Variants in ENOX1 observed in about 807,000 individuals in gnomAD.
ENOX1 encodes the protein candidate growth-related and time keeping constitutive hydroquinone (NADH) oxidase.
A neutral mutation model predicts 82.5 loss-of-function variants in ENOX1; 42 were observed. The observed-to-expected ratio is 0.51, with a 90% CI of 0.40 to 0.66. The LOEUF (loss-of-function observed/expected upper bound fraction) is 0.66. ENOX1 is among the 30% of genes least tolerant of loss of function. ENOX1 has a pLI of 0.00. For missense variants in ENOX1, 608 were observed against 811.6 expected (o/e 0.75, Z 3.05); for synonymous variants, 271 against 282.2 (o/e 0.96, Z 0.40).
At chr13:43,679,290 G>C (rs1420170225) in intron 1 of ENOX1, among the ~76,000 whole-genome samples, 1 of 152,024 alleles carries the variant, frequency 6.6e-6, no homozygotes, top group Non-Finnish European at 1.5e-5. Flanking sequence ...TTCTTCCTGT[G>C]GTCAGCAGCA....
At chr13:43,423,056 A>T (rs1270615038) in intron 3 of ENOX1, among the ~76,000 whole-genome samples, 2 of 152,132 alleles carry the variant, frequency 1.3e-5, no homozygotes, top group Non-Finnish European at 2.9e-5. Context: ...TGGGGAAGGG[A>T]GGCTACTGTA....
At chr13:43,316,631 A>T (rs1593888771) in intron 11 of ENOX1, among the ~76,000 whole-genome samples, 1 of 2,032 alleles carries the variant, frequency 4.9e-4, no homozygotes, top group Admixed American at 0.056. Flanking sequence ...GCAATTTACA[A>T]AAAAAAAAAA....
chr13:43,712,846 T>C (rs299340), intron 1 of ENOX1, among the ~76,000 whole-genome samples: 149,949 of 150,568 alleles, frequency 1, 74,668 homozygotes, highest in East Asian at 1. Flanking sequence ...TAAACAATCA[T>C]GTCATCTGCA....
At chr13:43,411,395 A>G (rs1594413644) in intron 5 of ENOX1, among the ~76,000 whole-genome samples, 1 of 152,266 alleles carries the variant, frequency 6.6e-6, no homozygotes, top group East Asian at 1.9e-4. Context: ...CATGCATTGT[A>G]TTAGGATTTC....
chr13:43,606,564 G>A (rs1450238289), intron 2 of ENOX1, among the ~76,000 whole-genome samples: 2 of 152,136 alleles, frequency 1.3e-5, no homozygotes, highest in East Asian at 1.9e-4. Context: ...AACTTCTCAT[G>A]TTCTTACTTA....
chr13:43,311,667 A>C (rs2047209559), intron 11 of ENOX1, among the ~76,000 whole-genome samples: 1 of 152,208 alleles, frequency 6.6e-6, no homozygotes, highest in Non-Finnish European at 1.5e-5. Context: ...TTTTCAGAGG[A>C]GAGAAGCAAC....
Position 43,697,786 on chromosome 13 carries a change from C to T in ENOX1, c.-284-30242G>A, listed in dbSNP as rs530125620. ...TCTGAATACGAGTAACCAGAAGTAA[C>T]TCTACCTCCCCTCTGTCAACACCTG... On this transcript the variant is annotated intron_variant, in intron 1 of 16. Transcript: ENST00000690772. Among the ~76,000 whole-genome samples, 10 of 152,310 alleles carry T rather than the reference C, an allele frequency of 6.6e-5. No homozygotes were observed. In the South Asian group the frequency reaches 2.1e-3, roughly 32 times the overall value.
intron 2 of ENOX1, among the ~76,000 whole-genome samples, chr13:43,616,482 A>C (rs1204286750): frequency 5.9e-5 from 9 of 151,436 alleles, no homozygotes; most frequent in Non-Finnish European, 1.3e-4. Flanking sequence ...GGTTACAGAC[A>C]CGAGCCACCA....
chr13:43,623,218 C>A (rs1281541983), intron 2 of ENOX1, among the ~76,000 whole-genome samples: 2 of 152,102 alleles, frequency 1.3e-5, no homozygotes, highest in Non-Finnish European at 2.9e-5. Context: ...TGGTTTTTTG[C>A]CTGCCTGTGG....
intron 1 of ENOX1, among the ~76,000 whole-genome samples, chr13:43,783,877 T>C (rs1037446851): frequency 1.3e-5 from 2 of 152,182 alleles, no homozygotes; most frequent in Non-Finnish European, 2.9e-5. Context: ...AGCTTCACCT[T>C]ACTCAAATGA....
At chr13:43,774,539 G>A (rs912961284) in intron 1 of ENOX1, among the ~76,000 whole-genome samples, 1 of 152,190 alleles carries the variant, frequency 6.6e-6, no homozygotes, top group Non-Finnish European at 1.5e-5. Flanking sequence ...TGAGGCTGAA[G>A]TGTGTCTTAA....
chr13:43,706,564 T>C (rs764249144), intron 1 of ENOX1, among the ~76,000 whole-genome samples: 1 of 152,014 alleles, frequency 6.6e-6, no homozygotes, highest in Non-Finnish European at 1.5e-5. Flanking sequence ...CATATGGTAT[T>C]TTTCCCAAAA....
chr13:43,459,981 G>A (rs573292626), intron 3 of ENOX1, among the ~76,000 whole-genome samples: 9 of 152,046 alleles, frequency 5.9e-5, no homozygotes, highest in East Asian at 3.9e-4. Flanking sequence ...GTGACAAAGC[G>A]AGACTCTGTC....
At chr13:43,373,587 C>T (rs901971708) in intron 5 of ENOX1, among the ~76,000 whole-genome samples, 2 of 152,196 alleles carry the variant, frequency 1.3e-5, no homozygotes, top group African/African-American at 4.8e-5. Context: ...CACACATACA[C>T]ATACACACAC....
intron 2 of ENOX1, among the ~76,000 whole-genome samples, chr13:43,508,015 AT>A (rs1210137144): frequency 3.3e-5 from 5 of 152,118 alleles, no homozygotes; most frequent in African/African-American, 1.2e-4. Context: ...AACCTTAATA[AT>A]TTAAAATTAA....
At chr13:43,338,209 T>C (rs1043229814) in intron 9 of ENOX1, among the ~76,000 whole-genome samples, 1 of 152,236 alleles carries the variant, frequency 6.6e-6, no homozygotes, top group Admixed American at 6.5e-5. Context: ...TGGTAGTCCA[T>C]GCTTCCTGAA....
chr13:43,499,220 A>G (rs2076894053), intron 2 of ENOX1, among the ~76,000 whole-genome samples: 1 of 152,108 alleles, frequency 6.6e-6, no homozygotes, highest in Non-Finnish European at 1.5e-5. Flanking sequence ...AAGAAATATG[A>G]TCTCTGTGGT....
At chr13:43,654,446 T>A (rs953977047) in intron 2 of ENOX1, among the ~76,000 whole-genome samples, 3 of 152,188 alleles carry the variant, frequency 2.0e-5, no homozygotes, top group Non-Finnish European at 4.4e-5. Context: ...ATCTAATGTA[T>A]AGATAGACAG....
At chr13:43,271,629 A>T (rs2044687235) in intron 12 of ENOX1, among the ~76,000 whole-genome samples, 2 of 151,942 alleles carry the variant, frequency 1.3e-5, no homozygotes, top group Non-Finnish European at 2.9e-5. Flanking sequence ...TGGAGTCTTC[A>T]TTGCATCCGC....
Sources: gnomAD v4.1 joint callset for allele counts (sites outside exome capture counted in the v4.1 genomes callset) on GRCh38, gnomAD v4.1.1 for gene constraint, MANE v1.5 for transcripts, NCBI Gene and HGNC (gene_info 2026-07-23, HGNC 2026-07-21) for gene names.